Variants in UTP14A observed in about 807,000 individuals in gnomAD.
UTP14A encodes UTP14A small subunit processome component.
A neutral mutation model predicts 57.2 loss-of-function variants in UTP14A; 5 were observed. The observed-to-expected ratio is 0.09, with a 90% CI of 0.05 to 0.18. UTP14A has a LOEUF of 0.18. Among genes scored for constraint, UTP14A ranks in the 10% least tolerant of loss-of-function variants. UTP14A has a pLI of 1.00. For missense variants in UTP14A, 430 were observed against 562.1 expected (o/e 0.76, Z 2.38); for synonymous variants, 169 against 210.9 (o/e 0.80, Z 1.72).
intron 1 of UTP14A, among the ~76,000 whole-genome samples, chrX:129,907,046 A>ATCC (rs1357958179): frequency 9.1e-6 from 1 of 109,920 alleles, no homozygotes; most frequent in Non-Finnish European, 1.9e-5. Context: ...TGTTGTGCCA[A>ATCC]TCCCTGAAAA....
chrX:129,907,683 G>C (rs1268876954), intron 2 of UTP14A, among the ~76,000 whole-genome samples: 1 of 112,338 alleles, frequency 8.9e-6, no homozygotes, highest in Non-Finnish European at 1.9e-5. Flanking sequence ...ACAGGCCCGG[G>C]TGATGGCTCA....
At chrX:129,912,214 G>C (rs762595989) in intron 6 of UTP14A, among the ~76,000 whole-genome samples, 32 of 109,140 alleles carry the variant, frequency 2.9e-4, no homozygotes, top group Non-Finnish European at 5.3e-4. Context: ...CTGGGTTCAA[G>C]CAATTCTCCT....
chrX:129,925,523 C>G (rs1930071217), intron 12 of UTP14A, among the ~76,000 whole-genome samples: 1 of 111,532 alleles, frequency 9.0e-6, no homozygotes, highest in South Asian at 3.7e-4. Context: ...AAGTTTTATT[C>G]AGTGGGATCT....
chrX:129,911,838 C>T lies in UTP14A; in HGVS notation c.454C>T (p.Arg152Trp), dbSNP rs751428700. The T allele has an allele frequency of 1.1e-5, 13 of 1,209,388 alleles. No individual in the cohort carries two copies. The highest frequency in any genetic ancestry group is 4.6e-4 in the Middle Eastern group (2 of 4,362). The change falls in exon 6 of 15, where the codon CGG becomes TGG. Residue 152 changes from arginine to tryptophan, a missense_variant. By Grantham distance (101) the Arg-to-Trp change is moderately radical. This residue lies in a region of UTP14A where 145 missense variants were observed against 153.5 expected (regional missense o/e 0.94). Transcript: ENST00000394422. Reference protein sequence around the residue: ...SKWDPVVLKNRQAEQLVFPLE... With the variant: ...SKWDPVVLKNWQAEQLVFPLE... ...ATGGGACCCTGTCGTCCTGAAGAAC[C>T]GGCAGGCAGAGCAGCTGGTTTTTCC...
Position 129,911,117 on chromosome X carries a change from G to T in UTP14A, c.348G>T (p.Val116=), listed in dbSNP as rs758267938. Residue 116 remains valine, a synonymous_variant, in exon 5 of 15, where the codon GTG becomes GTT. Coordinates refer to ENST00000394422, the MANE Select transcript of UTP14A (RefSeq NM_006649.4). ...QLSRVKSKKT[V]ELPLNKEEIE... Reference sequence around the variant, plus strand: ...GTAGAGTCAAATCAAAGAAGACAGTGGAGTTACCTCTGAACAAAGAAGAGA... The same window carrying T: ...GTAGAGTCAAATCAAAGAAGACAGTTGAGTTACCTCTGAACAAAGAAGAGA... 1.7e-5 allele frequency: 20 copies of T among 1,211,005 alleles called. No individual in the cohort carries two copies. In the South Asian group the frequency reaches 3.5e-4, roughly 21 times the overall value.
chrX:129,914,736 ACTT>A (rs1929615380), intron 6 of UTP14A, among the ~76,000 whole-genome samples: 1 of 112,423 alleles, frequency 8.9e-6, no homozygotes, highest in Non-Finnish European at 1.9e-5. Context: ...CTGTGAGGTA[ACTT>A]CTTTCACCCC....
chrX:129,927,237 A>G (rs1930138892), intron 14 of UTP14A, among the ~76,000 whole-genome samples: 1 of 110,789 alleles, frequency 9.0e-6, no homozygotes, highest in African/African-American at 3.3e-5. Context: ...CCTGATTTTC[A>G]TCTTTTTAAT....
intron 8 of UTP14A, among the ~76,000 whole-genome samples, chrX:129,920,094 C>T (rs1224282599): frequency 1.8e-5 from 2 of 111,282 alleles, no homozygotes; most frequent in Non-Finnish European, 3.8e-5. Flanking sequence ...GAGGCTGAGG[C>T]GGGAGGATCG....
chrX:129,915,480 G>A (rs1435726208), intron 6 of UTP14A, among the ~76,000 whole-genome samples: 5 of 99,729 alleles, frequency 5.0e-5, no homozygotes, highest in African/African-American at 7.8e-5. Flanking sequence ...AACCAAGATC[G>A]TGCCACTGCA....
chrX:129,928,740 C>T (rs185571940), intron 14 of UTP14A, among the ~76,000 whole-genome samples: 154 of 108,321 alleles, frequency 1.4e-3, no homozygotes, highest in African/African-American at 4.9e-3. Flanking sequence ...GGCGACAGAG[C>T]GAGACTCCGT....
At chrX:129,911,522 A>G (rs1378868279) in intron 5 of UTP14A, among the ~76,000 whole-genome samples, 1 of 110,979 alleles carries the variant, frequency 9.0e-6, no homozygotes, top group Non-Finnish European at 1.9e-5. Flanking sequence ...GTGAGCTGAG[A>G]TTGCACCATT....
At chrX:129,916,460 G>C (rs1333367402) in intron 6 of UTP14A, among the ~76,000 whole-genome samples, 2 of 111,311 alleles carry the variant, frequency 1.8e-5, no homozygotes, top group East Asian at 5.6e-4. Context: ...CAGTCACTTA[G>C]GTTGGAAACC....
intron 6 of UTP14A, chrX:129,913,463 C>T (rs965177579): frequency 3.0e-6 from 1 of 331,799 alleles, no homozygotes; most frequent in African/African-American, 2.7e-5. Context: ...TTTGATTCCA[C>T]CCGTGCCCCA....
At chrX:129,924,532 G>A (rs756219517) in intron 11 of UTP14A, among the ~76,000 whole-genome samples, 23 of 106,968 alleles carry the variant, frequency 2.2e-4, no homozygotes, top group Non-Finnish European at 4.1e-4. Context: ...TGATCTGCCC[G>A]CCTCGGCCTC....
rs748668269 is a variant in UTP14A, at chrX:129,925,071, C to A, written c.1625C>A (p.Pro542Gln). The A allele has an allele frequency of 5.8e-6, 7 of 1,211,393 alleles. No individual in the cohort carries two copies. The East Asian group carries it at 1.5e-4, about 26-fold the overall frequency. ...GAAGGGCAGCAGTCAGAGAGGACCC[C>A]AAATAATCGCCCTGATGCCCCTAAG... ...VLEGQQSERTPNNRPDAPKEK... is the reference protein window; with the variant it reads ...VLEGQQSERTQNNRPDAPKEK... Residue 542 changes from proline (P) to glutamine (Q), a missense_variant, in exon 12 of 15, where the codon CCA becomes CAA. Coordinates refer to ENST00000394422, the MANE Select transcript of UTP14A (RefSeq NM_006649.4).
At chrX:129,908,598 T>C in intron 3 of UTP14A, 72 bp from the exon 4 acceptor site, 1 of 966,803 alleles carries the variant, frequency 1.0e-6, no homozygotes, top group Non-Finnish European at 1.5e-6. Flanking sequence ...AAGAGAGAAG[T>C]GTTTGTCTCT....
chrX:129,921,672 C>T, intron 11 of UTP14A, 85 bp downstream of exon 11: 1 of 1,025,914 alleles, frequency 9.7e-7, no homozygotes, highest in Non-Finnish European at 1.3e-6. Context: ...CACCCACACA[C>T]AAAACTGCAT....
Position 129,924,995 on chromosome X carries a change from C to G in UTP14A, c.1549C>G (p.Leu517Val), listed in dbSNP as rs756983007. The G allele has an allele frequency of 8.3e-7, 1 of 1,211,263 alleles. No homozygotes were observed. The highest frequency in any genetic ancestry group is 3.0e-5 in the East Asian group (1 of 33,803). ...RVQTLEELEE[L>V]GKEECFQNKE... Reference sequence around the variant, plus strand: ...ACAGACGCTGGAAGAGCTAGAAGAGCTGGGAAAAGAAGAATGTTTTCAAAA... The same window carrying G: ...ACAGACGCTGGAAGAGCTAGAAGAGGTGGGAAAAGAAGAATGTTTTCAAAA... Residue 517 changes from leucine (L) to valine (V), a missense_variant, in exon 12 of 15, where the codon CTG (leucine) becomes GTG (valine). Physicochemically the swap from Leu to Val is conservative, Grantham distance 32. Around this residue, in one of 4 missense-constraint regions of UTP14A, gnomAD observed 120 missense variants for 116.8 expected, o/e 1.03. Coordinates refer to ENST00000394422, the MANE Select transcript of UTP14A (RefSeq NM_006649.4).
At chrX:129,915,945 C>G (rs1036589682) in intron 6 of UTP14A, among the ~76,000 whole-genome samples, 3 of 105,264 alleles carry the variant, frequency 2.8e-5, no homozygotes, top group African/African-American at 1.1e-4. Context: ...TCTGTAAATT[C>G]CATGACTTTT....
Sources: allele counts gnomAD v4.1 joint callset (sites outside exome capture counted in the v4.1 genomes callset), GRCh38; gene constraint gnomAD v4.1.1; regional missense constraint gnomAD v4.1.1; transcripts MANE v1.5; gene names NCBI Gene and HGNC (gene_info 2026-07-23, HGNC 2026-07-21).